Variants in GRIK2 observed in about 807,000 individuals in gnomAD.
GRIK2 encodes the protein glutamate ionotropic receptor kainate type subunit 2.
GRIK2 carries 32 observed loss-of-function variants against 100.3 expected under a neutral mutation model. The ratio of observed to expected loss-of-function variants is 0.32; its 90% CI spans 0.24 to 0.43. The LOEUF (loss-of-function observed/expected upper bound fraction) is 0.43, where lower values mean the gene tolerates loss of function less well. Among genes scored for constraint, GRIK2 ranks in the 20% least tolerant of loss-of-function variants. GRIK2 has a pLI of 1.00. For missense variants in GRIK2, 843 were observed against 1,114.9 expected, an observed-to-expected ratio of 0.76 and a Z score of 3.47; for synonymous variants, 417 against 389.4, an observed-to-expected ratio of 1.07 and a Z score of -0.83.
chr6:101,467,930 T>A (rs1417449314), intron 2 of GRIK2, among the ~76,000 whole-genome samples: 1 of 147,928 alleles, frequency 6.8e-6, no homozygotes, highest in Non-Finnish European at 1.5e-5. Context: ...GCCCACGATA[T>A]ATTTTTTTTT....
At chr6:101,940,378 A>C (rs1307735826) in intron 14 of GRIK2, among the ~76,000 whole-genome samples, 1 of 152,124 alleles carries the variant, frequency 6.6e-6, no homozygotes, top group African/African-American at 2.4e-5. Context: ...GAGTGTACAT[A>C]ATCATTTTAG....
At chr6:101,436,183 T>C (rs1769702428) in intron 2 of GRIK2, among the ~76,000 whole-genome samples, 1 of 152,128 alleles carries the variant, frequency 6.6e-6, no homozygotes, top group South Asian at 2.1e-4. Flanking sequence ...CATGTGTATA[T>C]ACTTAAATAT....
chr6:101,794,338 A>T (rs1415487010), intron 7 of GRIK2, among the ~76,000 whole-genome samples: 2 of 151,778 alleles, frequency 1.3e-5, no homozygotes, highest in Non-Finnish European at 2.9e-5. Flanking sequence ...AGCTGTTCCT[A>T]TTCGGTCATC....
rs144205413 is a variant in GRIK2, at chr6:101,691,615, T to C, written c.951+5262T>C. 2.4e-3 allele frequency among the ~76,000 whole-genome samples: 372 copies of C among 152,198 alleles called. 7 individuals are homozygous for C. The highest frequency in any genetic ancestry group is 8.8e-3 in the African/African-American group (365 of 41,522). On this transcript the variant is annotated intron_variant, in intron 7 of 16. Transcript: ENST00000369134. ...CTGCGCTCGGCCATTAGAAATACTT[T>C]TGATTAAATAGTGAAAGTATAGTAA... is the stretch of plus-strand genomic sequence containing the variant.
intron 11 of GRIK2, among the ~76,000 whole-genome samples, chr6:101,887,202 T>C (rs987995705): frequency 6.6e-6 from 1 of 152,060 alleles, no homozygotes; most frequent in Non-Finnish European, 1.5e-5. Context: ...ATTTTCACCA[T>C]AAAAATGATA....
chr6:101,911,492 T>C lies in GRIK2; in HGVS notation c.1749-13109T>C, dbSNP rs1213971528. Among the ~76,000 whole-genome samples, 4 of 151,558 alleles carry C rather than the reference T, an allele frequency of 2.6e-5. No individual in the cohort carries two copies. In the Admixed American group the frequency reaches 2.6e-4, roughly 10 times the overall value. On this transcript the variant is annotated intron_variant, in intron 12 of 16. Coordinates refer to ENST00000369134, the MANE Select transcript of GRIK2 (RefSeq NM_021956.5). ...GCTACTGGTTCAGAATGTTTTATTT[T>C]GGGAGATGCTGACTTAAAGATTATC...
rs1293379383 is a variant in GRIK2, at chr6:101,816,874, C to T, written c.1204-1496C>T. Among the ~76,000 whole-genome samples, 4 of 152,206 alleles carry T rather than the reference C, an allele frequency of 2.6e-5. No individual in the cohort carries two copies. The East Asian group carries it at 5.8e-4, about 22-fold the overall frequency. On this transcript the variant is annotated intron_variant, in intron 9 of 16. Coordinates refer to ENST00000369134, the MANE Select transcript of GRIK2 (RefSeq NM_021956.5). ...AAGCACCTGCTCTGGGAACATGCAG[C>T]CCCAAGGCACACAGCTGTTGGAAAA... is the stretch of plus-strand genomic sequence containing the variant.
intron 2 of GRIK2, among the ~76,000 whole-genome samples, chr6:101,456,447 G>GTCCTGAAAATCC (rs1321711352): frequency 6.6e-6 from 1 of 151,946 alleles, no homozygotes; most frequent in African/African-American, 2.4e-5. Context: ...GTCCACTAGT[G>GTCCTGAAAATCC]AGAGTTGTCC....
At chr6:101,833,046 T>C (rs914568504) in intron 10 of GRIK2, among the ~76,000 whole-genome samples, 25 of 152,300 alleles carry the variant, frequency 1.6e-4, no homozygotes, top group African/African-American at 5.3e-4. Flanking sequence ...ATTTCTGTGG[T>C]TGAATGTTTT....
At chr6:101,900,021 A>G (rs12202506) in intron 12 of GRIK2, among the ~76,000 whole-genome samples, 14,488 of 152,128 alleles carry the variant, frequency 0.095, 848 homozygotes, top group Middle Eastern at 0.2. Flanking sequence ...TTTGCTTGTA[A>G]ATGGACATAC....
chr6:101,916,481 G>T (rs916417419), intron 12 of GRIK2, among the ~76,000 whole-genome samples: 1 of 151,514 alleles, frequency 6.6e-6, no homozygotes, highest in African/African-American at 2.4e-5. Flanking sequence ...TGATTGGAAA[G>T]TAGGAAAAAC....
intron 2 of GRIK2, among the ~76,000 whole-genome samples, chr6:101,457,451 C>G (rs898422958): frequency 3.3e-5 from 5 of 151,968 alleles, no homozygotes; most frequent in African/African-American, 1.2e-4. Context: ...GAGATTTCAG[C>G]AATTTTTTTT....
At chr6:102,011,346 T>A (rs1350596938) in intron 14 of GRIK2, among the ~76,000 whole-genome samples, 1 of 152,142 alleles carries the variant, frequency 6.6e-6, no homozygotes, top group Non-Finnish European at 1.5e-5. Context: ...AGCTCTTCCT[T>A]GGTAAGGTGT....
chr6:101,955,617 C>CTCTCTCTGTCTCTCTCTCTCTCT (rs1376723314), intron 14 of GRIK2, among the ~76,000 whole-genome samples: 1 of 116,362 alleles, frequency 8.6e-6, no homozygotes. Context: ...TCTCTCTCTC[C>CTCTCTCTGTCTCTCTCTCTCTCT]CCCCCATTTC....
rs140424460 is a variant in GRIK2 at position 101,651,612 on chromosome 6, G to C, written c.541+24975G>C. 3.9e-4 allele frequency among the ~76,000 whole-genome samples: 60 copies of C among 152,232 alleles called. 1 individual carries two copies. In the East Asian group the frequency reaches 0.012, roughly 29 times the overall value. ...ACAATTTTAAATAGGGTGGTCATGG[G>C]GGATGAGAGAGTAAGCCATGTGGAT... On this transcript the variant is annotated intron_variant, in intron 4 of 16. Coordinates refer to ENST00000369134, the MANE Select transcript of GRIK2 (RefSeq NM_021956.5).
chr6:101,926,308 G>T (rs1789897997), intron 13 of GRIK2, among the ~76,000 whole-genome samples: 1 of 150,736 alleles, frequency 6.6e-6, no homozygotes, highest in Non-Finnish European at 1.5e-5. Flanking sequence ...TATGGCACAA[G>T]GTTATTTTAT....
chr6:101,500,263 G>A (rs1773677360), intron 2 of GRIK2, among the ~76,000 whole-genome samples: 1 of 152,054 alleles, frequency 6.6e-6, no homozygotes, highest in Non-Finnish European at 1.5e-5. Flanking sequence ...AAAACCAAAT[G>A]AGTTTAGGGA....
In GRIK2 at chr6:101,688,820, T is replaced by G. The variant is rs2786252; in HGVS notation, c.951+2467T>G. Among the ~76,000 whole-genome samples the G allele has an allele frequency of 1.6e-3, 239 of 152,098 alleles. 1 individual carries two copies. The highest frequency in any genetic ancestry group is 5.7e-3 in the African/African-American group (237 of 41,550). On this transcript the variant is annotated intron_variant, in intron 7 of 16. Coordinates refer to ENST00000369134, the MANE Select transcript of GRIK2 (RefSeq NM_021956.5). ...TTTGTCATTAAAATAAAGGTTTCTT[T>G]CAAAATAGATGCAGATTGATTTTGT...
At chr6:101,641,192 T>A (rs1781263034) in intron 4 of GRIK2, among the ~76,000 whole-genome samples, 1 of 152,050 alleles carries the variant, frequency 6.6e-6, no homozygotes, top group African/African-American at 2.4e-5. Flanking sequence ...AATATCCATT[T>A]CATATAAATT....
Sources: allele counts gnomAD v4.1 joint callset (sites outside exome capture counted in the v4.1 genomes callset), GRCh38; gene constraint gnomAD v4.1.1; transcripts MANE v1.5; gene names NCBI Gene and HGNC (gene_info 2026-07-23, HGNC 2026-07-21).